Variants in RAB11B observed in about 807,000 individuals in gnomAD.
The protein encoded by RAB11B is RAB11B, member RAS oncogene family, also known as ras-related protein Rab-11B.
A neutral mutation model predicts 23.7 loss-of-function variants in RAB11B; 7 were observed. The ratio of observed to expected loss-of-function variants is 0.29; its 90% CI spans 0.17 to 0.55. The LOEUF (loss-of-function observed/expected upper bound fraction) is 0.55, where lower values mean the gene tolerates loss of function less well. RAB11B is among the 20% of genes least tolerant of loss of function. The pLI, the probability that RAB11B is intolerant of heterozygous loss-of-function variation, is 0.93. For synonymous variants in RAB11B, 138 were observed against 132.0 expected (o/e 1.05, Z -0.31); for missense variants, 189 against 320.0 (o/e 0.59, Z 3.12).
At chr19:8,400,672 C>G (rs536227390) in intron 2 of RAB11B, among the ~76,000 whole-genome samples, 6 of 151,530 alleles carry the variant, frequency 4.0e-5, no homozygotes, top group Non-Finnish European at 5.9e-5. Flanking sequence ...CTGCAACCTC[C>G]GCCTCCTGGG....
chr19:8,393,654 T>C (rs1971375202), intron 1 of RAB11B, among the ~76,000 whole-genome samples: 1 of 152,074 alleles, frequency 6.6e-6, no homozygotes, highest in Non-Finnish European at 1.5e-5. Flanking sequence ...CACCTCCCCA[T>C]AGAAGAGCTG....
intron 2 of RAB11B, among the ~76,000 whole-genome samples, chr19:8,400,540 C>T (rs1274857305): frequency 6.6e-6 from 1 of 152,132 alleles, no homozygotes; most frequent in Non-Finnish European, 1.5e-5. Flanking sequence ...TGGGCTCCCT[C>T]CCATCTCCTT....
chr19:8,403,617 C>T lies in RAB11B; in HGVS notation c.*59C>T. On this transcript the variant is annotated 3_prime_UTR_variant, in exon 5 of 5. Coordinates refer to ENST00000328024, the MANE Select transcript of RAB11B (RefSeq NM_004218.4). ...CTCCGCCCGCCCCCGCCACGGTATCCTCTGGCCCCTCCCTGCTGTCCCTCT... is the reference window on the plus strand; with the variant it reads ...CTCCGCCCGCCCCCGCCACGGTATCTTCTGGCCCCTCCCTGCTGTCCCTCT... The T allele has an allele frequency of 6.4e-7, 1 of 1,559,138 alleles. No homozygotes were observed. The highest frequency in any genetic ancestry group is 8.7e-7 in the Non-Finnish European group (1 of 1,148,596).
At chr19:8,390,733 G>A (rs964857851) in intron 1 of RAB11B, 9 of 345,240 alleles carry the variant, frequency 2.6e-5, no homozygotes, top group Admixed American at 9.6e-5. Context: ...AGCGGTGGGA[G>A]AGGCTGTTAG....
rs2230876 is a variant in RAB11B, at chr19:8,403,453, C to T, written c.552C>T (p.Arg184=). ...TGTCACAGAAACAGATCGCAGACCG[C>T]GCTGCCCACGACGAGTCCCCGGGGA... is the stretch of plus-strand genomic sequence containing the variant. ...RIVSQKQIAD[R]AAHDESPGNN... Residue 184 remains arginine (R), a synonymous_variant, in exon 5 of 5, where the codon CGC becomes CGT. Coordinates refer to ENST00000328024, the MANE Select transcript of RAB11B (RefSeq NM_004218.4). The T allele has an allele frequency of 0.29, 469,957 of 1,613,762 alleles. 70,770 individuals carry two copies. The highest frequency in any genetic ancestry group is 0.5 in the East Asian group (22,412 of 44,852).
Position 8,403,790 on chromosome 19 carries a change from GT to G in RAB11B, c.*233del. On this transcript the variant is annotated 3_prime_UTR_variant, in exon 5 of 5. Coordinates refer to ENST00000328024, the MANE Select transcript of RAB11B (RefSeq NM_004218.4). ...CCCATGAAACTCGGGTCCCCACAGC[GT>G]CTTGGCGGGGTGGGGAGGGCGGCAG... The G allele has an allele frequency of 3.7e-6, 2 of 547,596 alleles. No homozygotes were observed. Among genetic ancestry groups the G allele is most frequent in the Non-Finnish European group, 6.0e-6 (2 of 330,946 alleles). 33.9% of individuals were successfully genotyped at this position (547,596 alleles called of 1,614,324 possible). A position where few individuals can be genotyped will look rare whatever the true frequency, so the allele number is the denominator to read the frequency against.
intron 4 of RAB11B, chr19:8,402,844 G>T: frequency 1.8e-6 from 1 of 557,350 alleles, no homozygotes; most frequent in Non-Finnish European, 3.2e-6. Context: ...GTAATTTTTA[G>T]TAGAGACAGG....
chr19:8,399,226 T>C (rs1430050207), intron 1 of RAB11B, among the ~76,000 whole-genome samples: 1 of 151,928 alleles, frequency 6.6e-6, no homozygotes, highest in Non-Finnish European at 1.5e-5. Flanking sequence ...GTGCTGGGAT[T>C]ACAGGTGTGA....
rs1029741109 is a variant in RAB11B, at chr19:8,403,404, C to A, written c.512-9C>A. 2 of 1,610,818 alleles carry A rather than the reference C, an allele frequency of 1.2e-6. No homozygotes were observed. Among genetic ancestry groups the A allele is most frequent in the Middle Eastern group, 1.7e-4 (1 of 6,044 alleles). ...GCTCACCCCACGTCCCCCTGTACCC[C>A]CTTTGCAGAGATCTACCGCATCGTG... On this transcript the variant is annotated splice_polypyrimidine_tract_variant and intron_variant, in intron 4 of 4. Coordinates refer to ENST00000328024, the MANE Select transcript of RAB11B (RefSeq NM_004218.4).
chr19:8,392,685 C>CTTTTTTTTTTTTTTTTTTTT (rs74176644), intron 1 of RAB11B, among the ~76,000 whole-genome samples: 3 of 79,666 alleles, frequency 3.8e-5, no homozygotes, highest in Non-Finnish European at 6.8e-5. Flanking sequence ...TTTTTCTTTT[C>CTTTTTTTTTTTTTTTTTTTT]TTTTTTTTTT....
At chr19:8,400,150 G>C in intron 2 of RAB11B, 92 bp downstream of exon 2, 3 of 1,402,294 alleles carry the variant, frequency 2.1e-6, no homozygotes, top group Non-Finnish European at 2.9e-6. Flanking sequence ...AGTTGGGCAG[G>C]AGAAGGGGAG....
intron 4 of RAB11B, chr19:8,402,993 C>T (rs979880956): frequency 2.9e-6 from 1 of 347,122 alleles, no homozygotes; most frequent in African/African-American, 2.1e-5. Flanking sequence ...CCACCCCTAA[C>T]CTTTGCTTTT....
At chr19:8,394,940 AAAAC>A (rs767278304) in intron 1 of RAB11B, among the ~76,000 whole-genome samples, 14 of 152,252 alleles carry the variant, frequency 9.2e-5, no homozygotes, top group Non-Finnish European at 1.5e-4. Context: ...CAAACAAACA[AAAAC>A]AAACAAACTG....
intron 2 of RAB11B, among the ~76,000 whole-genome samples, chr19:8,400,639 T>C (rs150057594): frequency 0.025 from 3,709 of 151,102 alleles, 73 homozygotes; most frequent in Non-Finnish European, 0.038. Context: ...CAGGCTGGAG[T>C]GCGATGGCAC....
chr19:8,398,159 C>T (rs1971410732), intron 1 of RAB11B, among the ~76,000 whole-genome samples: 1 of 152,174 alleles, frequency 6.6e-6, no homozygotes, highest in East Asian at 1.9e-4. Flanking sequence ...GTTTACAAGG[C>T]AGCTCACCCC....
At chr19:8,399,716 C>T in intron 1 of RAB11B, 147 bp from the exon 2 acceptor site, 1 of 867,264 alleles carries the variant, frequency 1.2e-6, no homozygotes, top group Non-Finnish European at 1.8e-6. Context: ...AGCACAGTGC[C>T]TGCAGGCCCT....
chr19:8,392,991 A>ATT (rs34749882), intron 1 of RAB11B, among the ~76,000 whole-genome samples: 109 of 130,592 alleles, frequency 8.3e-4, no homozygotes, highest in African/African-American at 2.9e-3. Flanking sequence ...TGGCCTCTGC[A>ATT]TTTTTTTTTT....
chr19:8,398,683 G>A (rs931713000), intron 1 of RAB11B, among the ~76,000 whole-genome samples: 2 of 152,162 alleles, frequency 1.3e-5, no homozygotes, highest in African/African-American at 4.8e-5. Context: ...AGCTCCTCAT[G>A]TCCTGTCACT....
intron 1 of RAB11B, among the ~76,000 whole-genome samples, chr19:8,397,733 G>T (rs1279830686): frequency 6.6e-6 from 1 of 152,112 alleles, no homozygotes; most frequent in Non-Finnish European, 1.5e-5. Context: ...GTGGGCTCCA[G>T]GGCCTGCTCC....
Sources: allele counts gnomAD v4.1 joint callset (sites outside exome capture counted in the v4.1 genomes callset), GRCh38; gene constraint gnomAD v4.1.1; transcripts MANE v1.5; gene names NCBI Gene and HGNC (gene_info 2026-07-23, HGNC 2026-07-21).